KANK1: variants seen among roughly 807,000 people sequenced by gnomAD.
KANK1 encodes KN motif and ankyrin repeat domains 1.
A neutral mutation model predicts 106.2 loss-of-function variants in KANK1; 109 were observed. That is an observed-to-expected ratio of 1.03 (90% confidence interval 0.88 to 1.20). The LOEUF is 1.20. Ranked by LOEUF, KANK1 falls within the 50% of genes most tolerant of loss-of-function variation. The pLI is 0.00. For synonymous variants in KANK1, 873 were observed against 652.2 expected (o/e 1.34, Z -5.16); for missense variants, 2,399 against 1,710.7 (o/e 1.40, Z -7.10).
At chr9:586,975 C>T (rs1347055172) in intron 1 of KANK1, among the ~76,000 whole-genome samples, 1 of 152,116 alleles carries the variant, frequency 6.6e-6, no homozygotes, top group African/African-American at 2.4e-5. Context: ...GAGTATTGTT[C>T]CATTACATTT....
chr9:525,583 G>A (rs894732416), intron 1 of KANK1, among the ~76,000 whole-genome samples: 5 of 151,554 alleles, frequency 3.3e-5, no homozygotes, highest in African/African-American at 1.2e-4. Flanking sequence ...GTTTCAGCAT[G>A]TTGGCCAGGC....
At chr9:580,169 G>GT (rs1321468287) in intron 1 of KANK1, among the ~76,000 whole-genome samples, 4 of 151,962 alleles carry the variant, frequency 2.6e-5, no homozygotes, top group African/African-American at 9.7e-5. Flanking sequence ...CGCGGTGAGT[G>GT]TAACAGCTCT....
At chr9:742,668 G>A (rs183805854) in intron 10 of KANK1, among the ~76,000 whole-genome samples, 3 of 152,294 alleles carry the variant, frequency 2.0e-5, no homozygotes, top group Non-Finnish European at 4.4e-5. Context: ...GTGATTTAAC[G>A]GGCATGTCCA....
chr9:603,504 G>A (rs557527337), intron 1 of KANK1, among the ~76,000 whole-genome samples: 1 of 151,878 alleles, frequency 6.6e-6, no homozygotes, highest in Admixed American at 6.5e-5. Context: ...ACCTAGTTAT[G>A]CAGAGAGACA....
At chr9:615,494 A>C (rs947695946) in intron 1 of KANK1, among the ~76,000 whole-genome samples, 3 of 152,050 alleles carry the variant, frequency 2.0e-5, no homozygotes, top group African/African-American at 7.2e-5. Context: ...GAGGGGGAAT[A>C]ATGTTGTTTC....
intron 2 of KANK1, chr9:685,699 C>A (rs182237262): frequency 1.3e-5 from 2 of 152,222 alleles, no homozygotes; most frequent in Non-Finnish European, 1.5e-5. Flanking sequence ...TATTTTAGTT[C>A]CTTTTTCATG....
At chr9:684,445 C>G (rs1012531184) in intron 2 of KANK1, 3 of 985,314 alleles carry the variant, frequency 3.0e-6, no homozygotes, top group Admixed American at 6.1e-5. Context: ...CAGGGAGATT[C>G]GCTGTGTTAA....
chr9:484,395 A>C (rs1230317088), intron 3 of KANK1: 2 of 152,230 alleles, frequency 1.3e-5, no homozygotes, highest in Admixed American at 1.3e-4. Flanking sequence ...AGAGATGTAG[A>C]GTGCTCAGCA....
chr9:650,869 A>G (rs1406171307), intron 1 of KANK1, among the ~76,000 whole-genome samples: 5 of 152,198 alleles, frequency 3.3e-5, no homozygotes, highest in Admixed American at 3.3e-4. Context: ...CTACAAGGAA[A>G]GAAGTGGAGG....
chr9:590,001 A>G lies in KANK1; in HGVS notation c.-84+85247A>G, dbSNP rs577961176. Among the ~76,000 whole-genome samples, 3 of 152,278 alleles carry G rather than the reference A, an allele frequency of 2.0e-5. No individual in the cohort carries two copies. In the East Asian group the frequency reaches 5.8e-4, roughly 29 times the overall value. ...TCTGAGGATGTTTCTTTGTGAGCTC[A>G]GTGCTAGACAGGCACAGGAGCAGTA... On this transcript the variant is annotated intron_variant, in intron 1 of 11. Transcript: ENST00000382297.
intron 3 of KANK1, among the ~76,000 whole-genome samples, chr9:496,384 T>G (rs1194219237): frequency 2.0e-5 from 3 of 152,114 alleles, no homozygotes; most frequent in African/African-American, 7.2e-5. Context: ...TCAAATCCCA[T>G]CCCTACTAAA....
chr9:742,147 A>G, intron 9 of KANK1, 58 bp from the exon 10 acceptor site: 1 of 1,459,682 alleles, frequency 6.9e-7, no homozygotes, highest in Non-Finnish European at 9.5e-7. Flanking sequence ...GCCCCACTAG[A>G]GGCCACCACT....
intron 1 of KANK1, among the ~76,000 whole-genome samples, chr9:604,783 T>C (rs1056047160): frequency 1.3e-5 from 2 of 151,858 alleles, no homozygotes; most frequent in African/African-American, 4.9e-5. Flanking sequence ...TGAGCCAAGA[T>C]TGTGCCACTG....
chr9:627,855 C>T (rs1170342915), intron 1 of KANK1, among the ~76,000 whole-genome samples: 1 of 152,092 alleles, frequency 6.6e-6, no homozygotes, highest in East Asian at 1.9e-4. Flanking sequence ...CCAAATAGGG[C>T]TAGGGCCAGA....
intron 1 of KANK1, among the ~76,000 whole-genome samples, chr9:561,186 G>C (rs1816327201): frequency 1.3e-5 from 2 of 152,116 alleles, no homozygotes; most frequent in Non-Finnish European, 2.9e-5. Flanking sequence ...TCAACTTCAG[G>C]GGGGCAGGAT....
chr9:705,028 C>T (rs958014999), intron 2 of KANK1, among the ~76,000 whole-genome samples: 4 of 148,906 alleles, frequency 2.7e-5, no homozygotes, highest in African/African-American at 9.9e-5. Flanking sequence ...GAGCAATACC[C>T]ACGTGTTGTA....
chr9:734,718 C>A (rs1297828404), intron 6 of KANK1, 30 bp from the exon 7 acceptor site: 1 of 1,444,866 alleles, frequency 6.9e-7, no homozygotes, highest in Middle Eastern at 1.8e-4. Flanking sequence ...CTTCTTGTGA[C>A]CAATCGTAAC....
intron 3 of KANK1, among the ~76,000 whole-genome samples, chr9:491,523 C>A (rs927344015): frequency 6.6e-6 from 1 of 151,828 alleles, no homozygotes; most frequent in African/African-American, 2.4e-5. Context: ...CTCCTCGGCC[C>A]CCCAAAGTGC....
At chr9:647,283 C>T (rs1305282849) in intron 1 of KANK1, among the ~76,000 whole-genome samples, 1 of 142,544 alleles carries the variant, frequency 7.0e-6, no homozygotes, top group Non-Finnish European at 1.5e-5. Flanking sequence ...CTAATTATGA[C>T]TAGACAACTA....
Sources: gnomAD v4.1 joint callset for allele counts (sites outside exome capture counted in the v4.1 genomes callset) on GRCh38, gnomAD v4.1.1 for gene constraint, MANE v1.5 for transcripts, NCBI Gene and HGNC (gene_info 2026-07-23, HGNC 2026-07-21) for gene names.